Variants in NAV2 observed in about 807,000 individuals in gnomAD.
NAV2 encodes the protein neuron navigator 2, also known as helicase, APC down-regulated 1.
Under a neutral mutation model 223.2 loss-of-function variants are expected in NAV2, and 54 were observed. That is an observed-to-expected ratio of 0.24 (90% CI 0.19 to 0.30). NAV2 has a LOEUF of 0.30. Ranked by LOEUF, NAV2 falls within the 10% of genes least tolerant of loss-of-function variation. The pLI, the probability that NAV2 is intolerant of heterozygous loss-of-function variation, is 1.00. For synonymous variants in NAV2, 1,279 were observed against 1,239.3 expected (o/e 1.03, Z -0.67); for missense variants, 2,806 against 3,147.5 (o/e 0.89, Z 2.60).
At chr11:20,088,345 C>T (rs940526266) in intron 26 of NAV2, among the ~76,000 whole-genome samples, 9 of 152,174 alleles carry the variant, frequency 5.9e-5, no homozygotes, top group African/African-American at 2.2e-4. Context: ...AGCTACACCA[C>T]CCAGCTAATT....
chr11:19,755,876 T>C (rs1308866849), intron 1 of NAV2, among the ~76,000 whole-genome samples: 1 of 152,166 alleles, frequency 6.6e-6, no homozygotes, highest in Non-Finnish European at 1.5e-5. Flanking sequence ...GGGCAGAGAA[T>C]CTGGTGGCAG....
intron 1 of NAV2, among the ~76,000 whole-genome samples, chr11:19,599,228 T>C (rs1287406707): frequency 2.0e-5 from 3 of 152,206 alleles, no homozygotes; most frequent in African/African-American, 7.2e-5. Flanking sequence ...TAATTTGCTT[T>C]TTTTCTCACC....
chr11:19,786,612 A>G (rs1396336485), intron 1 of NAV2, among the ~76,000 whole-genome samples: 4 of 152,192 alleles, frequency 2.6e-5, no homozygotes. Context: ...GTCAGATTAG[A>G]TACAGCTTCT....
At chr11:20,073,956 A>G (rs979672692) in intron 22 of NAV2, among the ~76,000 whole-genome samples, 2 of 151,462 alleles carry the variant, frequency 1.3e-5, no homozygotes, top group African/African-American at 2.4e-5. Flanking sequence ...GATCTTAGTT[A>G]TTTCTTGTCT....
intron 1 of NAV2, among the ~76,000 whole-genome samples, chr11:19,773,647 G>A (rs1211827989): frequency 1.3e-5 from 2 of 152,148 alleles, no homozygotes; most frequent in Non-Finnish European, 2.9e-5. Flanking sequence ...TGGTAGGAGG[G>A]GTTTGGTGGA....
intron 6 of NAV2, among the ~76,000 whole-genome samples, chr11:19,927,388 C>G (rs1006344108): frequency 6.6e-6 from 1 of 152,176 alleles, no homozygotes; most frequent in Non-Finnish European, 1.5e-5. Flanking sequence ...TCCAGACCAG[C>G]CTGGCCAACA....
Position 19,933,560 on chromosome 11 carries a change from G to C in NAV2, c.1316G>C (p.Ser439Thr), listed in dbSNP as rs374272622. The change falls in exon 7 of 38, where the codon AGC (serine) becomes ACC (threonine). Residue 439 changes from serine (S) to threonine (T), a missense_variant. Around this residue, in one of 4 missense-constraint regions of NAV2, gnomAD observed 1,167 missense variants for 1,180.5 expected, o/e 0.99. Transcript: ENST00000349880. This position sits in a 1 kb window ranked among gnomAD's most constrained non-coding sequence, Gnocchi z 4.3. ...RLETLPSFEE[S>T]EELEAASRML... ...GAGACTCTGCCCAGCTTCGAAGAGA[G>C]CGAGGAGCTGGAGGCCGCCAGTCGC... The C allele has an allele frequency of 6.2e-7, 1 of 1,610,572 alleles. No homozygotes were observed. The highest frequency in any genetic ancestry group is 1.7e-5 in the Admixed American group (1 of 59,610).
At chr11:19,974,974 G>T (rs991021884) in intron 10 of NAV2, among the ~76,000 whole-genome samples, 1 of 152,182 alleles carries the variant, frequency 6.6e-6, no homozygotes, top group African/African-American at 2.4e-5. Context: ...GCTCTCCAGA[G>T]GATCTGCCTG....
intron 1 of NAV2, among the ~76,000 whole-genome samples, chr11:19,605,123 C>A (rs1023191229): frequency 6.6e-6 from 1 of 152,206 alleles, no homozygotes; most frequent in Non-Finnish European, 1.5e-5. Flanking sequence ...CCCACACAGC[C>A]TTTGTCCAGG....
intron 1 of NAV2, among the ~76,000 whole-genome samples, chr11:19,654,344 C>T (rs2048055433): frequency 6.6e-6 from 1 of 152,268 alleles, no homozygotes; most frequent in African/African-American, 2.4e-5. Context: ...TCAATGCCAT[C>T]CCCATCAAGC....
intron 10 of NAV2, among the ~76,000 whole-genome samples, chr11:19,951,740 C>T (rs2047413715): frequency 6.6e-6 from 1 of 152,214 alleles, no homozygotes; most frequent in South Asian, 2.1e-4. Flanking sequence ...TTTCTTTAAC[C>T]ATCCAAACCA....
chr11:19,653,342 G>A (rs1178914501), intron 1 of NAV2, among the ~76,000 whole-genome samples: 1 of 151,446 alleles, frequency 6.6e-6, no homozygotes, highest in Non-Finnish European at 1.5e-5. Flanking sequence ...AAAAAGTACT[G>A]TGAATGCATA....
intron 20 of NAV2, among the ~76,000 whole-genome samples, chr11:20,067,212 C>T (rs2059105132): frequency 6.6e-6 from 1 of 152,116 alleles, no homozygotes; most frequent in Non-Finnish European, 1.5e-5. Flanking sequence ...ATCCTCACAA[C>T]CTGTGGAGTT....
intron 1 of NAV2, among the ~76,000 whole-genome samples, chr11:19,444,131 C>T (rs556449014): frequency 2.6e-5 from 4 of 152,246 alleles, no homozygotes; most frequent in African/African-American, 4.8e-5. Flanking sequence ...TTAGTAGAGA[C>T]GAGGTTTCAC....
intron 1 of NAV2, among the ~76,000 whole-genome samples, chr11:19,735,373 T>G (rs1247485258): frequency 6.6e-6 from 1 of 152,212 alleles, no homozygotes; most frequent in African/African-American, 2.4e-5. Flanking sequence ...TCCCTTGGCA[T>G]CCTAGGCAGG....
intron 1 of NAV2, among the ~76,000 whole-genome samples, chr11:19,524,185 C>A (rs957078454): frequency 2.0e-5 from 3 of 152,158 alleles, no homozygotes; most frequent in Admixed American, 6.5e-5. Flanking sequence ...ATGGTGGCCA[C>A]GACCAAGCCA....
intron 1 of NAV2, among the ~76,000 whole-genome samples, chr11:19,392,310 C>A (rs1272104820): frequency 6.6e-6 from 1 of 152,070 alleles, no homozygotes; most frequent in Non-Finnish European, 1.5e-5. Flanking sequence ...CAAACCACTC[C>A]AACACAATGA....
chr11:19,378,183 C>T (rs183326943), intron 1 of NAV2, among the ~76,000 whole-genome samples: 1 of 152,344 alleles, frequency 6.6e-6, no homozygotes, highest in Non-Finnish European at 1.5e-5. Context: ...TCTGCTGTCA[C>T]AGCCCCAGCC....
intron 1 of NAV2, among the ~76,000 whole-genome samples, chr11:19,776,631 A>AGTGTGTGTGT (rs1565295867): frequency 4.4e-5 from 1 of 22,700 alleles, no homozygotes; most frequent in Non-Finnish European, 1.7e-4. Context: ...GGGGTCAGAA[A>AGTGTGTGTGT]ATGTGTGTGT....
Sources: gnomAD v4.1 joint callset for allele counts (sites outside exome capture counted in the v4.1 genomes callset) on GRCh38, gnomAD v4.1.1 for gene constraint, gnomAD v4.1.1 regional missense constraint, Gnocchi (gnomAD v3.1) non-coding constraint, MANE v1.5 for transcripts, NCBI Gene and HGNC (gene_info 2026-07-23, HGNC 2026-07-21) for gene names.